Variants in PYGO1 observed in about 807,000 individuals in gnomAD.
The protein encoded by PYGO1 is pygopus homolog 1.
PYGO1 carries 6 observed loss-of-function variants against 29.5 expected under a neutral mutation model. The observed-to-expected ratio is 0.20, with a 90% CI of 0.11 to 0.40. PYGO1 has a LOEUF of 0.40. PYGO1 is among the 10% of genes least tolerant of loss of function. PYGO1 has a pLI of 1.00. For missense variants in PYGO1, 515 were observed against 514.9 expected (o/e 1.00, Z 0.00); for synonymous variants, 186 against 180.5 (o/e 1.03, Z -0.24).
Position 55,587,841 on chromosome 15 carries a change from C to A in PYGO1, c.43G>T (p.Val15Phe). 1 of 1,492,262 alleles carries A rather than the reference C, an allele frequency of 6.7e-7. No individual in the cohort carries two copies. Among genetic ancestry groups the A allele is most frequent in the Non-Finnish European group, 8.9e-7 (1 of 1,123,788 alleles). 92.4% of individuals were successfully genotyped at this position (1,492,262 alleles called of 1,614,324 possible). Residue 15 changes from valine (V) to phenylalanine (F), a missense_variant, in exon 1 of 3, where the codon GTT becomes TTT. Transcript: ENST00000563719. ...QEKDPISLKR[V>F]RGGDSGLDGL... ...CGGCACCCTTCTCGGTTACCTCGAA[C>A]TCTCTTCAGCGAAATGGGATCCTTC...
At chr15:55,576,110 G>T (rs114410678) in intron 1 of PYGO1, among the ~76,000 whole-genome samples, 1 of 152,118 alleles carries the variant, frequency 6.6e-6, no homozygotes, top group African/African-American at 2.4e-5. Flanking sequence ...AGTCCCATCA[G>T]CCAGAAACTA....
Position 55,543,542 on chromosome 15 carries a change from CTA to C in PYGO1, c.*2479_*2480del, listed in dbSNP as rs1015304845. 1 of 152,068 alleles carries C rather than the reference CTA, an allele frequency of 6.6e-6. No individual in the cohort carries two copies. The highest frequency in any genetic ancestry group is 2.4e-5 in the African/African-American group (1 of 41,434). 9.4% of individuals were successfully genotyped at this position (152,068 alleles called of 1,614,324 possible). On this transcript the variant is annotated 3_prime_UTR_variant, in exon 3 of 3. Transcript: ENST00000563719. ...CCTGTTTGTAGGTTTTTAAAAACAA[CTA>C]TGTGGAAATAGAAAATGAATTATAT... is the stretch of plus-strand genomic sequence containing the variant.
intron 2 of PYGO1, among the ~76,000 whole-genome samples, chr15:55,547,383 C>G (rs2058857344): frequency 6.6e-6 from 1 of 152,180 alleles, no homozygotes; most frequent in East Asian, 1.9e-4. Flanking sequence ...GTATGATTTT[C>G]TGAGCTCAAA....
intron 1 of PYGO1, among the ~76,000 whole-genome samples, chr15:55,564,358 G>C (rs558653295): frequency 6.6e-6 from 1 of 152,294 alleles, no homozygotes; most frequent in South Asian, 2.1e-4. Context: ...GAAGTGTCCA[G>C]AATGGGAAAA....
intron 1 of PYGO1, among the ~76,000 whole-genome samples, chr15:55,569,118 G>C (rs951931466): frequency 1.3e-5 from 2 of 151,850 alleles, no homozygotes; most frequent in African/African-American, 4.8e-5. Flanking sequence ...CTACTTTATA[G>C]AATGAGTAAG....
Position 55,547,055 on chromosome 15 carries a change from A to G in PYGO1, c.228T>C (p.Tyr76=). The change falls in exon 3 of 3, where the codon TAT becomes TAC. Residue 76 remains tyrosine, a synonymous_variant. Coordinates refer to ENST00000563719, the MANE Select transcript of PYGO1 (RefSeq NM_001367806.1). ...LVAANPFDDN[Y]NTISYKPLPS... ...GTAGTGGTTTATAGGAAATAGTATT[A>G]TAGTTGTCATCAAATGGATTAGCAG... 6.2e-7 allele frequency: 1 copy of G among 1,613,504 alleles called. No individual in the cohort carries two copies. The highest frequency in any genetic ancestry group is 1.3e-5 in the African/African-American group (1 of 75,040).
In PYGO1 at chr15:55,545,543, T is replaced by C. The variant is rs2058845715; in HGVS notation, c.*480A>G. 6.6e-6 allele frequency: 1 copy of C among 152,580 alleles called. No homozygotes were observed. Among genetic ancestry groups the C allele is most frequent in the African/African-American group, 2.4e-5 (1 of 41,456 alleles). The allele number at this position is 152,580 out of a possible 1,614,324, so 9.5% of individuals were successfully genotyped here. On this transcript the variant is annotated 3_prime_UTR_variant, in exon 3 of 3. Coordinates refer to ENST00000563719, the MANE Select transcript of PYGO1 (RefSeq NM_001367806.1). ...GGAGGAGGAATCTGGTGTCATACTATTATTTTTTTAATCCATAAAAATGTA... is the reference window on the plus strand; with the variant it reads ...GGAGGAGGAATCTGGTGTCATACTACTATTTTTTTAATCCATAAAAATGTA...
upstream of PYGO1, chr15:55,588,717 C>G: frequency 6.9e-7 from 1 of 1,446,744 alleles, no homozygotes; most frequent in Non-Finnish European, 9.6e-7. Flanking sequence ...CCAGCTTTCG[C>G]AAGGAAAGGG....
rs111817068 is a variant in PYGO1 at position 55,546,359 on chromosome 15, T to C, written c.924A>G (p.Arg308=). 9.7e-4 allele frequency: 1,558 copies of C among 1,614,214 alleles called. 16 individuals are homozygous for C. The African/African-American group carries it at 0.018, about 19-fold the overall frequency. The change falls in exon 3 of 3, where the codon CGA becomes CGG. Residue 308 remains arginine, a synonymous_variant. Coordinates refer to ENST00000563719, the MANE Select transcript of PYGO1 (RefSeq NM_001367806.1). ...AGGCATCTGCTGCACCTCTTGGTTG[T>C]CGTGGCTTATTCTGCGTCCCATTTG... ...NPANGTQNKP[R]QPRGAADACT... is the part of the protein sequence containing the mutation.
At chr15:55,565,202 GTAC>G (rs1468095902) in intron 1 of PYGO1, among the ~76,000 whole-genome samples, 1 of 151,944 alleles carries the variant, frequency 6.6e-6, no homozygotes, top group African/African-American at 2.4e-5. Flanking sequence ...GAAATTCACA[GTAC>G]TGAGCATTAC....
chr15:55,546,605 T>C lies in PYGO1; in HGVS notation c.678A>G (p.Pro226=), dbSNP rs765333416. 1.2e-6 allele frequency: 2 copies of C among 1,613,652 alleles called. No individual in the cohort carries two copies. Among genetic ancestry groups the C allele is most frequent in the East Asian group, 2.2e-5 (1 of 44,874 alleles). The change falls in exon 3 of 3, where the codon CCA becomes CCG. Residue 226 remains proline, a synonymous_variant. Transcript: ENST00000563719. The part of the protein sequence containing the change: ...LESNHSFIPP[P]NTFGQAKAPP... ...GTGCTTTTGCTTGACCAAAAGTGTT[T>C]GGGGGAGGAATAAAAGAATGATTAG... is the stretch of plus-strand genomic sequence containing the variant.
In PYGO1 at chr15:55,548,938, T is replaced by A; in HGVS notation, c.107A>T (p.Asp36Val). The change falls in exon 2 of 3, where the codon GAT becomes GTT. Residue 36 changes from aspartate (D) to valine (V), a missense_variant. By Grantham distance (152) the Asp-to-Val change is radical. Transcript: ENST00000563719. ...TGTATTTGCCTTGCGCTTTTTCTTATCTGGGCTTCCTAGTTGTACACCTGG... is the reference window on the plus strand; with the variant it reads ...TGTATTTGCCTTGCGCTTTTTCTTAACTGGGCTTCCTAGTTGTACACCTGG... ...GGPGVQLGSP[D>V]KKKRKANTQG... 1 of 1,613,186 alleles carries A rather than the reference T, an allele frequency of 6.2e-7. No individual in the cohort carries two copies. The highest frequency in any genetic ancestry group is 8.5e-7 in the Non-Finnish European group (1 of 1,179,594).
chr15:55,548,907 T>A lies in PYGO1; in HGVS notation c.135+3A>T. On this transcript the variant is annotated splice_donor_region_variant and intron_variant, in intron 2 of 2. Coordinates refer to ENST00000563719, the MANE Select transcript of PYGO1 (RefSeq NM_001367806.1). ...ACTTTTATTAAAGAAAATGTCAGTT[T>A]ACCTGTGTATTTGCCTTGCGCTTTT... 6.2e-7 allele frequency: 1 copy of A among 1,610,410 alleles called. No homozygotes were observed. The highest frequency in any genetic ancestry group is 8.5e-7 in the Non-Finnish European group (1 of 1,178,444).
intron 2 of PYGO1, 78 bp from the exon 3 acceptor site, chr15:55,547,225 G>C (rs1277241219): frequency 7.8e-7 from 1 of 1,275,604 alleles, no homozygotes; most frequent in East Asian, 2.5e-5. Context: ...CTTAATACCT[G>C]TGAACCTAGT....
In PYGO1 at chr15:55,542,453, C is replaced by T. The variant is rs1355882433; in HGVS notation, c.*3570G>A. The T allele has an allele frequency of 6.6e-6, 1 of 152,174 alleles. No individual in the cohort carries two copies. Among genetic ancestry groups the T allele is most frequent in the Non-Finnish European group, 1.5e-5 (1 of 68,038 alleles). The allele number at this position is 152,174 out of a possible 1,614,324, so 9.4% of individuals were successfully genotyped here. ...ATTATAGCAGTACTCTAAAGTATTT[C>T]ACACAAAAGGAAAACACTGATCACA... On this transcript the variant is annotated 3_prime_UTR_variant, in exon 3 of 3. Coordinates refer to ENST00000563719, the MANE Select transcript of PYGO1 (RefSeq NM_001367806.1).
intron 1 of PYGO1, among the ~76,000 whole-genome samples, chr15:55,552,468 G>C (rs538285247): frequency 6.6e-6 from 1 of 151,766 alleles, no homozygotes; most frequent in African/African-American, 2.4e-5. Context: ...AAATATCCAG[G>C]TTCTCACAAT....
intron 1 of PYGO1, 91 bp from the exon 2 acceptor site, chr15:55,549,086 T>C (rs911975827): frequency 1.0e-6 from 1 of 975,622 alleles, no homozygotes; most frequent in Non-Finnish European, 1.5e-6. Flanking sequence ...TACCTGTTAA[T>C]GTTTTCTATT....
At position 55,539,818 on chromosome 15, in the gene PYGO1, T is replaced by C. The variant is rs2058821620; in HGVS notation, c.*6205A>G. 6.6e-6 allele frequency: 1 copy of C among 152,070 alleles called. No homozygotes were observed. The allele number at this position is 152,070 out of a possible 1,614,324, so 9.4% of individuals were successfully genotyped here. Reference sequence around the variant, plus strand: ...TAACCATGCCGAATATGATGCAGTATAGAGATATCATTAACATAACATAGG... The same window carrying C: ...TAACCATGCCGAATATGATGCAGTACAGAGATATCATTAACATAACATAGG... On this transcript the variant is annotated 3_prime_UTR_variant, in exon 3 of 3. Transcript: ENST00000563719.
In PYGO1 at chr15:55,545,983, A is replaced by G. The variant is rs2058847812; in HGVS notation, c.*40T>C. ...AATCCTGTGTCAATGAACTTCTGCA[A>G]TGCACAGGAAAATAAACCCACTTTA... On this transcript the variant is annotated 3_prime_UTR_variant, in exon 3 of 3. Transcript: ENST00000563719. 6.6e-7 allele frequency: 1 copy of G among 1,518,234 alleles called. No individual in the cohort carries two copies. The highest frequency in any genetic ancestry group is 1.4e-5 in the African/African-American group (1 of 71,984). The allele number at this position is 1,518,234 out of a possible 1,614,324, so 94.0% of individuals were successfully genotyped here.
Sources: allele counts gnomAD v4.1 joint callset (sites outside exome capture counted in the v4.1 genomes callset), GRCh38; gene constraint gnomAD v4.1.1; transcripts MANE v1.5; gene names NCBI Gene and HGNC (gene_info 2026-07-23, HGNC 2026-07-21).